MTUS1: variants seen among roughly 807,000 people sequenced by gnomAD.
MTUS1 encodes the protein microtubule-associated tumor suppressor 1.
In MTUS1, 109 loss-of-function variants were observed where a neutral mutation model predicts 120.8. The observed-to-expected ratio is 0.90, with a 90% confidence interval of 0.77 to 1.06. The LOEUF (loss-of-function observed/expected upper bound fraction) is 1.06. Ranked by LOEUF, MTUS1 falls within the 50% of genes least tolerant of loss-of-function variation. The pLI is 0.00. For synonymous variants in MTUS1, 737 were observed against 550.5 expected (o/e 1.34, Z -4.74); for missense variants, 2,210 against 1,486.3 (o/e 1.49, Z -8.01).
intron 8 of MTUS1, chr8:17,674,572 G>C: frequency 2.0e-6 from 2 of 985,936 alleles, no homozygotes; most frequent in South Asian, 4.7e-5. Flanking sequence ...TGGGTGTTGA[G>C]ACCTGGAAAC....
chr8:17,665,297 A>T (rs1304968351), intron 8 of MTUS1, among the ~76,000 whole-genome samples: 1 of 152,212 alleles, frequency 6.6e-6, no homozygotes, highest in Non-Finnish European at 1.5e-5. Context: ...CATAAATCAT[A>T]AATTATTAGG....
chr8:17,736,742 A>C (rs1392483837), intron 3 of MTUS1, among the ~76,000 whole-genome samples: 1 of 151,494 alleles, frequency 6.6e-6, no homozygotes, highest in Admixed American at 6.6e-5. Context: ...CGGCCACCAA[A>C]CCCAGCTAAT....
At chr8:17,769,364 TTGA>T in intron 1 of MTUS1, among the ~76,000 whole-genome samples, 1 of 148,568 alleles carries the variant, frequency 6.7e-6, no homozygotes, top group Non-Finnish European at 1.5e-5. Flanking sequence ...TTTTTTTTTT[TTGA>T]GACAGAGTCT....
At chr8:17,668,481 G>C (rs1811365852) in intron 8 of MTUS1, among the ~76,000 whole-genome samples, 1 of 152,178 alleles carries the variant, frequency 6.6e-6, no homozygotes, top group Non-Finnish European at 1.5e-5. Flanking sequence ...GTCTGCTGCA[G>C]ATGTAGACCA....
At chr8:17,752,496 T>C (rs1351046307) in intron 2 of MTUS1, among the ~76,000 whole-genome samples, 1 of 152,142 alleles carries the variant, frequency 6.6e-6, no homozygotes. Flanking sequence ...GAAATCACTG[T>C]GGTGTACCCT....
chr8:17,791,625 C>G (rs1230825013), intron 1 of MTUS1, among the ~76,000 whole-genome samples: 1 of 152,172 alleles, frequency 6.6e-6, no homozygotes, highest in African/African-American at 2.4e-5. Context: ...GCTCACTAGA[C>G]TTAAACTTTC....
intron 1 of MTUS1, among the ~76,000 whole-genome samples, chr8:17,786,082 G>A (rs1001813076): frequency 3.3e-5 from 5 of 152,168 alleles, no homozygotes; most frequent in Admixed American, 6.5e-5. Flanking sequence ...AGAGGCTGCC[G>A]TGAGCCAAGA....
intron 1 of MTUS1, among the ~76,000 whole-genome samples, chr8:17,791,419 T>G (rs2051772072): frequency 6.6e-6 from 1 of 152,214 alleles, no homozygotes; most frequent in African/African-American, 2.4e-5. Flanking sequence ...CTGGACTATG[T>G]TACAGGTGAA....
intron 3 of MTUS1, among the ~76,000 whole-genome samples, chr8:17,728,447 T>A (rs1158453438): frequency 6.6e-6 from 1 of 152,192 alleles, no homozygotes; most frequent in Non-Finnish European, 1.5e-5. Flanking sequence ...TAGATTCACA[T>A]GAAGGTGTGT....
intron 5 of MTUS1, 108 bp downstream of exon 5, chr8:17,715,659 A>G (rs1822173887): frequency 9.0e-7 from 1 of 1,115,052 alleles, no homozygotes; most frequent in African/African-American, 1.6e-5. Flanking sequence ...ACATATTTGT[A>G]ATCATTGTTG....
intron 7 of MTUS1, among the ~76,000 whole-genome samples, chr8:17,677,324 C>T (rs1033308516): frequency 6.6e-6 from 1 of 152,072 alleles, no homozygotes; most frequent in East Asian, 1.9e-4. Flanking sequence ...ACTCAAGTAA[C>T]AGGAAAAACA....
chr8:17,745,415 T>A (rs751655893), intron 2 of MTUS1, among the ~76,000 whole-genome samples: 1 of 152,254 alleles, frequency 6.6e-6, no homozygotes, highest in Non-Finnish European at 1.5e-5. Flanking sequence ...GTATTCAGCA[T>A]GTAGTAAGTT....
intron 4 of MTUS1, among the ~76,000 whole-genome samples, chr8:17,717,454 T>C (rs1277873967): frequency 1.3e-5 from 2 of 152,178 alleles, no homozygotes; most frequent in Non-Finnish European, 2.9e-5. Flanking sequence ...ACAAAGAAAA[T>C]TAGACAGTCT....
At chr8:17,748,255 C>A in intron 2 of MTUS1, 1 of 152,332 alleles carries the variant, frequency 6.6e-6, no homozygotes, top group Non-Finnish European at 1.5e-5. Flanking sequence ...TGGAGAAGAG[C>A]CAAGTGTAGA....
At chr8:17,659,612 C>G (rs1329394964) in intron 8 of MTUS1, among the ~76,000 whole-genome samples, 1 of 152,112 alleles carries the variant, frequency 6.6e-6, no homozygotes, top group Admixed American at 6.5e-5. Flanking sequence ...GCAGGAGAAT[C>G]GCTTGAACCC....
chr8:17,686,783 A>G (rs1469060746), intron 6 of MTUS1, among the ~76,000 whole-genome samples: 1 of 152,190 alleles, frequency 6.6e-6, no homozygotes, highest in Non-Finnish European at 1.5e-5. Flanking sequence ...GAATACATGT[A>G]ATTGTACTAA....
chr8:17,715,772 G>C lies in MTUS1; in HGVS notation c.2579C>G (p.Pro860Arg). 1 of 1,611,980 alleles carries C rather than the reference G, an allele frequency of 6.2e-7. No individual in the cohort carries two copies. ...RAHVHLMKTP[P>R]KGPSRKNLFT... ...AACCACAATGAGGACTGTACCTTTT[G>C]GAGGAGTTTTCATCAAGTGAACATG... is the stretch of plus-strand genomic sequence containing the variant. Residue 860 changes from proline (P) to arginine (R), a missense_variant, in exon 5 of 15, where the codon CCA becomes CGA. Pro to Arg is a moderately radical substitution (Grantham distance 103, BLOSUM62 -2). Coordinates refer to ENST00000693296, the MANE Select transcript of MTUS1 (RefSeq NM_001363059.2).
intron 8 of MTUS1, among the ~76,000 whole-genome samples, chr8:17,660,481 G>A (rs192232606): frequency 2.2e-4 from 33 of 152,268 alleles, no homozygotes; most frequent in African/African-American, 7.5e-4. Context: ...TGTGAATAAT[G>A]CTGCTATGAA....
chr8:17,772,514 G>T lies in MTUS1; in HGVS notation c.-154-16553C>A, dbSNP rs111826958. ...TCCTGCTTCCCAGTAGAAGAGGCCAGTGTACTCTCTACTGATGTCATACCA... is the reference window on the plus strand; with the variant it reads ...TCCTGCTTCCCAGTAGAAGAGGCCATTGTACTCTCTACTGATGTCATACCA... On this transcript the variant is annotated intron_variant, in intron 1 of 14. Coordinates refer to ENST00000693296, the MANE Select transcript of MTUS1 (RefSeq NM_001363059.2). 1.3e-5 allele frequency among the ~76,000 whole-genome samples: 2 copies of T among 152,316 alleles called. 1 individual carries two copies. Among genetic ancestry groups the T allele is most frequent in the African/African-American group, 4.8e-5 (2 of 41,574 alleles).
Sources: allele counts gnomAD v4.1 joint callset (sites outside exome capture counted in the v4.1 genomes callset), GRCh38; gene constraint gnomAD v4.1.1; transcripts MANE v1.5; gene names NCBI Gene and HGNC (gene_info 2026-07-23, HGNC 2026-07-21).